ADPRHL1: variants seen among roughly 807,000 people sequenced by gnomAD.
The protein encoded by ADPRHL1 is inactive ADP-ribosyltransferase ARH2.
A neutral mutation model predicts 44.1 loss-of-function variants in ADPRHL1; 43 were observed. The observed-to-expected ratio is 0.98, with a 90% CI of 0.76 to 1.26. ADPRHL1 has a LOEUF of 1.26. ADPRHL1 is among the 50% of genes most tolerant of loss of function. ADPRHL1 has a pLI of 0.00. For missense variants in ADPRHL1, 2,022 were observed against 2,496.9 expected (o/e 0.81, Z 4.05); for synonymous variants, 878 against 1,017.4 (o/e 0.86, Z 2.61).
At chr13:113,416,403 A>T (rs777626614) in intron 7 of ADPRHL1, among the ~76,000 whole-genome samples, 14 of 152,088 alleles carry the variant, frequency 9.2e-5, no homozygotes, top group Non-Finnish European at 2.1e-4. Flanking sequence ...AGGGATGTCT[A>T]GTCGGCCGGC....
At position 113,445,934 on chromosome 13, in the gene ADPRHL1, G is replaced by A. The variant is rs373895272; in HGVS notation, c.215-1345C>T. 9.4e-5 allele frequency among the ~76,000 whole-genome samples: 14 copies of A among 149,284 alleles called. No homozygotes were observed. In the East Asian group the frequency reaches 9.9e-4, roughly 11 times the overall value. The stretch of plus-strand genomic sequence containing the variant: ...GGCTGCAAACCCCTGGAGAGAGCAC[G>A]CACGTGTAGGGACCATGGCTGCAAA... On this transcript the variant is annotated intron_variant, in intron 1 of 7. Coordinates refer to ENST00000612156, the MANE Select transcript of ADPRHL1 (RefSeq NM_001394807.1).
chr13:113,421,001 G>A (rs1459669978), intron 7 of ADPRHL1, among the ~76,000 whole-genome samples: 2 of 105,632 alleles, frequency 1.9e-5, no homozygotes, highest in Non-Finnish European at 3.7e-5. Context: ...CCAACCCCTG[G>A]GACATGCCTA....
chr13:113,407,405 A>G lies in ADPRHL1; in HGVS notation c.1877T>C (p.Val626Ala). 1.6e-6 allele frequency: 2 copies of G among 1,231,798 alleles called. No homozygotes were observed. The highest frequency in any genetic ancestry group is 2.0e-6 in the Non-Finnish European group (2 of 987,898). 76.3% of individuals were successfully genotyped at this position (1,231,798 alleles called of 1,614,324 possible). A position where few individuals can be genotyped will look rare whatever the true frequency, so the allele number is the denominator to read the frequency against. ...EPLPALSIAT[V>A]VCGPRSWLSH... is the part of the protein sequence containing the mutation. Reference sequence around the variant, plus strand: ...CAGCCAGCTCCTGGGGCCACAGACGACGGTGGCGATGCTGAGGGCCGGCAG... The same window carrying G: ...CAGCCAGCTCCTGGGGCCACAGACGGCGGTGGCGATGCTGAGGGCCGGCAG... The change falls in exon 8 of 8, where the codon GTC becomes GCC. Residue 626 changes from valine (V) to alanine (A), a missense_variant. This residue lies in a region of ADPRHL1 where 1,221 missense variants were observed against 1,517.8 expected (regional missense o/e 0.80). Coordinates refer to ENST00000612156, the MANE Select transcript of ADPRHL1 (RefSeq NM_001394807.1).
Position 113,444,340 on chromosome 13 carries a change from C to T in ADPRHL1, c.379+85G>A, listed in dbSNP as rs73579439. 0.018 allele frequency: 28,229 copies of T among 1,527,514 alleles called. 3,685 individuals are homozygous for T. The African/African-American group carries it at 0.31, about 17-fold the overall frequency. 94.6% of individuals were successfully genotyped at this position (1,527,514 alleles called of 1,614,324 possible). ...GCCTCACTGAAGCCACCTGGAGATG[C>T]TGGGGGTTAGTGGAAGGCAGATGGT... On this transcript the variant is annotated intron_variant, in intron 2 of 7. Transcript: ENST00000612156.
At chr13:113,445,786 C>T (rs2044131898) in intron 1 of ADPRHL1, among the ~76,000 whole-genome samples, 1 of 152,072 alleles carries the variant, frequency 6.6e-6, no homozygotes, top group Non-Finnish European at 1.5e-5. Context: ...TTAGGAAGGG[C>T]ACTTGGCAAA....
At position 113,409,316 on chromosome 13, in the gene ADPRHL1, A is replaced by C. The variant is rs2043833620; in HGVS notation, c.1062-1096T>G. ...GCCGTCTCTGACCTCCCCAGATGAT[A>C]ATTTTGGGTAGACGCACCCAGAATC... On this transcript the variant is annotated intron_variant, in intron 7 of 7. Coordinates refer to ENST00000612156, the MANE Select transcript of ADPRHL1 (RefSeq NM_001394807.1). This position sits in a 1 kb window ranked among gnomAD's most constrained non-coding sequence, Gnocchi z 4.2. The C allele has an allele frequency of 1.0e-6, 1 of 985,202 alleles. No individual in the cohort carries two copies. Among genetic ancestry groups the C allele is most frequent in the African/African-American group, 1.7e-5 (1 of 57,204 alleles). 61.0% of individuals were successfully genotyped at this position (985,202 alleles called of 1,614,324 possible).
chr13:113,432,782 CA>C (rs1445396458), intron 3 of ADPRHL1, among the ~76,000 whole-genome samples: 3 of 152,208 alleles, frequency 2.0e-5, no homozygotes, highest in Non-Finnish European at 2.9e-5. Context: ...CAGCAGATAC[CA>C]AAAGGTAATC....
intron 2 of ADPRHL1, among the ~76,000 whole-genome samples, chr13:113,442,487 GTGT>G (rs1282474195): frequency 6.6e-6 from 1 of 152,218 alleles, no homozygotes; most frequent in Non-Finnish European, 1.5e-5. Context: ...CTAGGTTGAA[GTGT>G]TGTATTTTTT....
In ADPRHL1 at chr13:113,408,106, C is replaced by G. The variant is rs2043823014; in HGVS notation, c.1176G>C (p.Leu392=). The G allele has an allele frequency of 3.1e-5, 38 of 1,232,060 alleles. 1 individual carries two copies. In the East Asian group the frequency reaches 1.2e-3, roughly 39 times the overall value. 76.3% of individuals were successfully genotyped at this position (1,232,060 alleles called of 1,614,324 possible). The stretch of plus-strand genomic sequence containing the variant: ...CTGCGCGGCCCGTGACGTAGAGCAG[C>G]AGGCTGCTGAGGATGGAGTGGGCGG... ...DPAAHSILSS[L]LLYVTGRADR... The change falls in exon 8 of 8, where the codon CTG becomes CTC. Residue 392 remains leucine (L), a synonymous_variant. Coordinates refer to ENST00000612156, the MANE Select transcript of ADPRHL1 (RefSeq NM_001394807.1).
chr13:113,407,592 C>G lies in ADPRHL1; in HGVS notation c.1690G>C (p.Glu564Gln). The G allele has an allele frequency of 4.1e-6, 5 of 1,232,214 alleles. No individual in the cohort carries two copies. Among genetic ancestry groups the G allele is most frequent in the Non-Finnish European group, 5.1e-6 (5 of 988,086 alleles). The allele number at this position is 1,232,214 out of a possible 1,614,324, so 76.3% of individuals were successfully genotyped here. A position where few individuals can be genotyped will look rare whatever the true frequency, so the allele number is the denominator to read the frequency against. ...GTGTGCAGCCTCAGCGCACTGGCCT[C>G]GGAGCACAGGCAGCTGTTCTGCTCG... ...KFEQNSCLCS[E>Q]ASALRLHTQE... The change falls in exon 8 of 8, where the codon GAG (glutamate) becomes CAG (glutamine). Residue 564 changes from glutamate to glutamine, a missense_variant. Transcript: ENST00000612156.
intron 7 of ADPRHL1, among the ~76,000 whole-genome samples, chr13:113,421,008 C>G (rs2043914911): frequency 7.6e-6 from 1 of 132,150 alleles, no homozygotes. Context: ...CTGGGACATG[C>G]CTACCCCTGG....
intron 2 of ADPRHL1, among the ~76,000 whole-genome samples, chr13:113,443,180 C>A (rs1177823413): frequency 6.6e-6 from 1 of 152,158 alleles, no homozygotes; most frequent in African/African-American, 2.4e-5. Flanking sequence ...GAACTGGATT[C>A]TCCTGATTCT....
chr13:113,424,233 C>T lies in ADPRHL1; in HGVS notation c.891G>A (p.Arg297=). Residue 297 remains arginine (R), a synonymous_variant, in exon 6 of 8, where the codon CGG becomes CGA. Transcript: ENST00000612156. ...ACATCTCACCTCCATGAAACATGGC[C>T]CGGTGACACAGCTCAGTCCAGCTGT... is the stretch of plus-strand genomic sequence containing the variant. The part of the protein sequence containing the change: ...AGNSWTELCH[R]AMFHGGESAA... 2 of 1,612,816 alleles carry T rather than the reference C, an allele frequency of 1.2e-6. No homozygotes were observed. The highest frequency in any genetic ancestry group is 8.5e-7 in the Non-Finnish European group (1 of 1,179,858).
At chr13:113,420,677 C>T (rs879257939) in intron 7 of ADPRHL1, among the ~76,000 whole-genome samples, 11 of 152,014 alleles carry the variant, frequency 7.2e-5, no homozygotes, top group Non-Finnish European at 1.5e-4. Context: ...ACTTAAAGCA[C>T]CAGTAGCAGC....
rs118171786 is a variant in ADPRHL1 at position 113,411,161 on chromosome 13, C to T, written c.1062-2941G>A. On this transcript the variant is annotated intron_variant, in intron 7 of 7. Transcript: ENST00000612156. ...GCTGATGGCTTCTGAGCCCCACCGTCCAAATAGAAAGATGAAAAACAGAGC... is the reference window on the plus strand; with the variant it reads ...GCTGATGGCTTCTGAGCCCCACCGTTCAAATAGAAAGATGAAAAACAGAGC... Among the ~76,000 whole-genome samples, 1,256 of 152,286 alleles carry T rather than the reference C, an allele frequency of 8.2e-3. 41 individuals carry two copies. The highest frequency in any genetic ancestry group is 0.061 in the East Asian group (316 of 5,168).
At position 113,405,226 on chromosome 13, in the gene ADPRHL1, C is replaced by CTT. The variant is rs1298830039; in HGVS notation, c.4054_4055dup (p.Leu1353SerfsTer21). The stretch of plus-strand genomic sequence containing the variant: ...TAGGCTCGGGGACACTGGCCCGGAG[C>CTT]TTTGCCTGTGTGTCACCAGCAGTAG... On this transcript the variant is annotated frameshift_variant, in exon 8 of 8. Transcript: ENST00000612156. LOFTEE classifies it low-confidence loss of function (END_TRUNC). 62 of 1,231,792 alleles carry CTT rather than the reference C, an allele frequency of 5.0e-5. No individual in the cohort carries two copies. The highest frequency in any genetic ancestry group is 6.1e-5 in the Non-Finnish European group (60 of 988,096). 76.3% of individuals were successfully genotyped at this position (1,231,792 alleles called of 1,614,324 possible).
At position 113,409,864 on chromosome 13, in the gene ADPRHL1, G is replaced by C. The variant is rs2043838935; in HGVS notation, c.1062-1644C>G. 1 of 913,206 alleles carries C rather than the reference G, an allele frequency of 1.1e-6. No individual in the cohort carries two copies. Among genetic ancestry groups the C allele is most frequent in the Admixed American group, 7.1e-5 (1 of 14,172 alleles). 56.6% of individuals were successfully genotyped at this position (913,206 alleles called of 1,614,324 possible). On this transcript the variant is annotated intron_variant, in intron 7 of 7. Coordinates refer to ENST00000612156, the MANE Select transcript of ADPRHL1 (RefSeq NM_001394807.1). This position sits in a 1 kb window ranked among gnomAD's most constrained non-coding sequence, Gnocchi z 4.2. The stretch of plus-strand genomic sequence containing the variant: ...AGATCGCACCACTGCACTCCAGCCT[G>C]AGCGACAGAGCGAGACTCCGTCTCA...
In ADPRHL1 at chr13:113,405,116, G is replaced by T. The variant is rs868559195; in HGVS notation, c.4166C>A (p.Thr1389Asn). Residue 1389 changes from threonine (T) to asparagine (N), a missense_variant, in exon 8 of 8, where the codon ACC (threonine) becomes AAC (asparagine). Around this residue, in one of 8 missense-constraint regions of ADPRHL1, gnomAD observed 1,221 missense variants for 1,517.8 expected, o/e 0.80. Transcript: ENST00000612156. ...CTTCCCCGCATCCCCGGGCTGGGGG[G>T]TCTCCTCCTGTGCCTGGTGACTCTG... ...RQQSHQAQEE[T>N]PQPGDAGKRV... 4.9e-6 allele frequency: 6 copies of T among 1,232,176 alleles called. No individual in the cohort carries two copies. Among genetic ancestry groups the T allele is most frequent in the Admixed American group, 4.2e-5 (1 of 23,708 alleles). The allele number at this position is 1,232,176 out of a possible 1,614,324, so 76.3% of individuals were successfully genotyped here.
Position 113,406,680 on chromosome 13 carries a change from T to C in ADPRHL1, c.2602A>G (p.Asn868Asp), listed in dbSNP as rs1357100662. The part of the protein sequence containing the change: ...TRLQNMSSGE[N>D]KPCICGGENV... ...TCTCCTCCACAAATACAAGGTTTGTTTTCACCACTTGACATATTTTGCAGC... is the reference window on the plus strand; with the variant it reads ...TCTCCTCCACAAATACAAGGTTTGTCTTCACCACTTGACATATTTTGCAGC... The change falls in exon 8 of 8, where the codon AAC (asparagine) becomes GAC (aspartate). Residue 868 changes from asparagine to aspartate, a missense_variant. Coordinates refer to ENST00000612156, the MANE Select transcript of ADPRHL1 (RefSeq NM_001394807.1). 2 of 1,231,818 alleles carry C rather than the reference T, an allele frequency of 1.6e-6. No homozygotes were observed. Among genetic ancestry groups the C allele is most frequent in the East Asian group, 6.3e-5 (2 of 31,712 alleles). The allele number at this position is 1,231,818 out of a possible 1,614,324, so 76.3% of individuals were successfully genotyped here. A position where few individuals can be genotyped will look rare whatever the true frequency, so the allele number is the denominator to read the frequency against.
Sources: allele counts gnomAD v4.1 joint callset (sites outside exome capture counted in the v4.1 genomes callset), GRCh38; gene constraint gnomAD v4.1.1; regional missense constraint gnomAD v4.1.1; non-coding constraint Gnocchi (gnomAD v3.1); transcripts MANE v1.5; gene names NCBI Gene and HGNC (gene_info 2026-07-23, HGNC 2026-07-21).